Variants in AKAP13 observed in about 807,000 individuals in gnomAD.
AKAP13 encodes the protein A-kinase anchoring protein 13.
In AKAP13, 80 loss-of-function variants were observed where a neutral mutation model predicts 264.5. The observed-to-expected ratio is 0.30, with a 90% confidence interval of 0.25 to 0.36. AKAP13 has a LOEUF of 0.36. AKAP13 is among the 10% of genes least tolerant of loss of function. The probability of loss-of-function intolerance (pLI) is 1.00; values close to 1 mark genes in which losing one functional copy is unlikely to be tolerated. For synonymous variants in AKAP13, 1,380 were observed against 1,250.2 expected, an observed-to-expected ratio of 1.10 and a Z score of -2.19; for missense variants, 3,712 against 3,435.2, an observed-to-expected ratio of 1.08 and a Z score of -2.01.
chr15:85,434,937 G>A (rs1157861717), intron 1 of AKAP13, among the ~76,000 whole-genome samples: 52 of 151,554 alleles, frequency 3.4e-4, no homozygotes, highest in African/African-American at 1.2e-3. Flanking sequence ...AAGGAACGCA[G>A]TTCCTCACCA....
At chr15:85,485,325 A>T (rs1439453520) in intron 1 of AKAP13, among the ~76,000 whole-genome samples, 2 of 152,174 alleles carry the variant, frequency 1.3e-5, no homozygotes, top group African/African-American at 4.8e-5. Flanking sequence ...CCCTAGTAAG[A>T]CTGCAAGAAG....
chr15:85,516,964 A>G (rs972939791), intron 2 of AKAP13, among the ~76,000 whole-genome samples: 2 of 152,228 alleles, frequency 1.3e-5, no homozygotes, highest in African/African-American at 4.8e-5. Context: ...TATTTATGAC[A>G]TTTGTTTTTA....
intron 9 of AKAP13, 120 bp from the exon 10 acceptor site, chr15:85,645,698 A>G: frequency 1.9e-6 from 2 of 1,069,888 alleles, no homozygotes; most frequent in Non-Finnish European, 2.6e-6. Context: ...AAGGAAGAGA[A>G]AAGAGTGAGA....
intron 8 of AKAP13, chr15:85,621,538 A>C (rs1466985911): frequency 6.6e-6 from 1 of 152,182 alleles, no homozygotes; most frequent in African/African-American, 2.4e-5. Context: ...GAGAAGGATA[A>C]AAAGAAAATC....
intron 8 of AKAP13, among the ~76,000 whole-genome samples, chr15:85,589,710 GAAAA>G (rs59703416): frequency 1.0e-5 from 1 of 99,894 alleles, no homozygotes; most frequent in Non-Finnish European, 2.0e-5. Context: ...ACTCTGTCTT[GAAAA>G]AAAAAAAAAA....
chr15:85,642,624 C>T (rs1247396472), intron 9 of AKAP13, among the ~76,000 whole-genome samples: 1 of 152,180 alleles, frequency 6.6e-6, no homozygotes, highest in Non-Finnish European at 1.5e-5. Context: ...CTGTACTTTT[C>T]CCTCTTTCCC....
chr15:85,724,428 G>T lies in AKAP13; in HGVS notation c.6745+1108G>T, dbSNP rs534622759. Reference sequence around the variant, plus strand: ...AAGGATGACGGCACATAAGGAGAAAGTGTTCCCCACACTAAGGAAGAGAAA... The same window carrying T: ...AAGGATGACGGCACATAAGGAGAAATTGTTCCCCACACTAAGGAAGAGAAA... On this transcript the variant is annotated intron_variant, in intron 26 of 36. Transcript: ENST00000394518. The surrounding 1 kb of genome is among the most constrained non-coding windows in gnomAD (Gnocchi z 4.2). 3.9e-5 allele frequency among the ~76,000 whole-genome samples: 6 copies of T among 152,158 alleles called. No homozygotes were observed. In the South Asian group the frequency reaches 1.2e-3, roughly 32 times the overall value.
intron 14 of AKAP13, among the ~76,000 whole-genome samples, chr15:85,678,862 A>G (rs572198258): frequency 6.6e-6 from 1 of 151,200 alleles, no homozygotes; most frequent in South Asian, 2.1e-4. Context: ...GAGTGAGATC[A>G]CTTCATCTCA....
chr15:85,540,329 G>A (rs1227743808), intron 4 of AKAP13, among the ~76,000 whole-genome samples: 1 of 152,084 alleles, frequency 6.6e-6, no homozygotes, highest in Non-Finnish European at 1.5e-5. Flanking sequence ...TGATGCAGTG[G>A]GATTATCCTG....
In AKAP13 at chr15:85,601,504, C is replaced by A. The variant is rs182954035; in HGVS notation, c.4161+15681C>A. On this transcript the variant is annotated intron_variant, in intron 8 of 36. Coordinates refer to ENST00000394518, the MANE Select transcript of AKAP13 (RefSeq NM_007200.5). ...CACCCAAGATTCTATCCTTTTCCCC[C>A]AAAATAAGAAAAGCTTTTTTTCTCT... Among the ~76,000 whole-genome samples the A allele has an allele frequency of 5.9e-5, 9 of 152,076 alleles. No homozygotes were observed. In the East Asian group the frequency reaches 1.7e-3, roughly 29 times the overall value.
intron 1 of AKAP13, among the ~76,000 whole-genome samples, chr15:85,404,090 C>G (rs1056696944): frequency 6.6e-6 from 1 of 152,128 alleles, no homozygotes; most frequent in Non-Finnish European, 1.5e-5. Flanking sequence ...ATAGTATAAT[C>G]TAGCTTATCC....
chr15:85,381,710 T>C (rs1190998943), intron 1 of AKAP13: 1 of 152,062 alleles, frequency 6.6e-6, no homozygotes, highest in Non-Finnish European at 1.5e-5. Context: ...CAATGAAAAT[T>C]GGATTGAGCG....
At chr15:85,578,856 ATT>A in intron 6 of AKAP13, 72 bp from the exon 7 acceptor site, 1 of 1,434,978 alleles carries the variant, frequency 7.0e-7, no homozygotes, top group African/African-American at 1.4e-5. Context: ...GTCCAACAGA[ATT>A]TTTGCTCAGA....
chr15:85,666,403 T>TTGTAGA (rs2083603041), intron 13 of AKAP13, among the ~76,000 whole-genome samples: 1 of 151,296 alleles, frequency 6.6e-6, no homozygotes, highest in South Asian at 2.1e-4. Flanking sequence ...TTTAAGTTCT[T>TTGTAGA]TGTAGATTCT....
chr15:85,399,502 C>CAAAAAAAAAAAA (rs71138392), intron 1 of AKAP13, among the ~76,000 whole-genome samples: 2 of 77,074 alleles, frequency 2.6e-5, no homozygotes, highest in African/African-American at 1.2e-4. Context: ...GACTCCGTCT[C>CAAAAAAAAAAAA]AAAAAAAAAA....
At position 85,580,232 on chromosome 15, in the gene AKAP13, G is replaced by A. The variant is rs761236898; in HGVS notation, c.2164G>A (p.Val722Ile). 3.7e-6 allele frequency: 6 copies of A among 1,614,188 alleles called. No homozygotes were observed. Among genetic ancestry groups the A allele is most frequent in the East Asian group, 2.2e-5 (1 of 44,882 alleles). Residue 722 changes from valine to isoleucine, a missense_variant, in exon 7 of 37, where the codon GTA (valine) becomes ATA (isoleucine). Physicochemically the swap from Val to Ile is conservative, Grantham distance 29 (BLOSUM62 3). Around this residue, in one of 3 missense-constraint regions of AKAP13, gnomAD observed 2,759 missense variants for 2,411.7 expected, o/e 1.14. Coordinates refer to ENST00000394518, the MANE Select transcript of AKAP13 (RefSeq NM_007200.5). ...GGCTCATACAGTCACCTCTGACCCT[G>A]TAAGGGATACCCAGGAACGTGCGGA... ...PQAHTVTSDP[V>I]RDTQERADFC...
intron 8 of AKAP13, among the ~76,000 whole-genome samples, chr15:85,629,277 G>T (rs989308585): frequency 2.0e-5 from 3 of 152,124 alleles, no homozygotes; most frequent in African/African-American, 4.8e-5. Flanking sequence ...TCTTGAGGGG[G>T]AAATTTGTGG....
intron 14 of AKAP13, among the ~76,000 whole-genome samples, chr15:85,678,117 C>T (rs1307668959): frequency 2.0e-5 from 3 of 152,116 alleles, no homozygotes; most frequent in African/African-American, 2.4e-5. Context: ...AAGAAATTCC[C>T]CCTTCATGAA....
In AKAP13 at chr15:85,747,600, C is replaced by T. The variant is rs1026393697; in HGVS notation, c.*2923C>T. 13 of 152,594 alleles carry T rather than the reference C, an allele frequency of 8.5e-5. No individual in the cohort carries two copies. The highest frequency in any genetic ancestry group is 5.9e-5 in the Non-Finnish European group (4 of 68,038). 9.5% of individuals were successfully genotyped at this position (152,594 alleles called of 1,614,324 possible). On this transcript the variant is annotated 3_prime_UTR_variant, in exon 37 of 37. Transcript: ENST00000394518. ...TTCTCTCAATTCCAGTCATCTCAGTCGTTGTCGTTAGGTGACATGTGCACT... is the reference window on the plus strand; with the variant it reads ...TTCTCTCAATTCCAGTCATCTCAGTTGTTGTCGTTAGGTGACATGTGCACT...
Sources: gnomAD v4.1 joint callset for allele counts (sites outside exome capture counted in the v4.1 genomes callset) on GRCh38, gnomAD v4.1.1 for gene constraint, gnomAD v4.1.1 regional missense constraint, Gnocchi (gnomAD v3.1) non-coding constraint, MANE v1.5 for transcripts, NCBI Gene and HGNC (gene_info 2026-07-23, HGNC 2026-07-21) for gene names.